The following AKAP8 variants were observed in gnomAD, a reference collection of about 807,000 sequenced individuals.
AKAP8 encodes the protein A-kinase anchoring protein 8, also known as A-kinase anchor protein 8.
Under a neutral mutation model 67.5 loss-of-function variants are expected in AKAP8, and 24 were observed. That is an observed-to-expected ratio of 0.36 (90% CI 0.26 to 0.50). AKAP8 has a LOEUF of 0.50. Ranked by LOEUF, AKAP8 falls within the 20% of genes least tolerant of loss-of-function variation. The pLI is 0.97. For missense variants in AKAP8, 971 were observed against 955.9 expected (o/e 1.02, Z -0.21); for synonymous variants, 400 against 371.1 (o/e 1.08, Z -0.90).
chr19:15,368,802 G>C, intron 8 of AKAP8: 1 of 985,318 alleles, frequency 1.0e-6, no homozygotes, highest in Non-Finnish European at 1.2e-6. Flanking sequence ...GGCCCCGTCT[G>C]AACTAGGGCC....
Position 15,355,248 on chromosome 19 carries a change from A to C in AKAP8, c.1746T>G (p.Ile582Met), listed in dbSNP as rs747928960. The C allele has an allele frequency of 6.8e-6, 11 of 1,611,950 alleles. No homozygotes were observed. The highest frequency in any genetic ancestry group is 3.4e-6 in the Non-Finnish European group (4 of 1,179,986). The change falls in exon 14 of 14, where the codon ATT becomes ATG. Residue 582 changes from isoleucine (I) to methionine (M), a missense_variant. Ile to Met is a conservative substitution (Grantham distance 10). Coordinates refer to ENST00000269701, the MANE Select transcript of AKAP8 (RefSeq NM_005858.4). ...CATCTACGGCCCTCACTGCTGCTGTAATCACCTCTGCTAAGACGTCCGCGG... is the reference window on the plus strand; with the variant it reads ...CATCTACGGCCCTCACTGCTGCTGTCATCACCTCTGCTAAGACGTCCGCGG... Reference protein sequence around the residue: ...EVAADVLAEVITAAVRAVDGE... With the variant: ...EVAADVLAEVMTAAVRAVDGE...
intron 7 of AKAP8, among the ~76,000 whole-genome samples, chr19:15,370,598 G>C (rs561841508): frequency 8.7e-5 from 13 of 149,178 alleles, no homozygotes; most frequent in African/African-American, 3.2e-4. Context: ...CACGTTTCCC[G>C]AGCTTTTGTT....
At position 15,360,758 on chromosome 19, in the gene AKAP8, A is replaced by G. The variant is rs375638784; in HGVS notation, c.1527+90T>C. On this transcript the variant is annotated intron_variant, in intron 12 of 13. Transcript: ENST00000269701. ...GACTTGAAACATAGCAAGAACCCCT[A>G]AAGATGTTGTTATTCCCCATAAGAC... is the stretch of plus-strand genomic sequence containing the variant. 3.6e-3 allele frequency: 5,242 copies of G among 1,462,054 alleles called. 20 individuals carry two copies. Among genetic ancestry groups the G allele is most frequent in the South Asian group, 0.011 (781 of 73,312 alleles). 90.6% of individuals were successfully genotyped at this position (1,462,054 alleles called of 1,614,324 possible). A position where few individuals can be genotyped will look rare whatever the true frequency, so the allele number is the denominator to read the frequency against.
At chr19:15,358,268 A>G (rs1252543970) in intron 13 of AKAP8, among the ~76,000 whole-genome samples, 2 of 151,458 alleles carry the variant, frequency 1.3e-5, no homozygotes, top group African/African-American at 4.9e-5. Context: ...GTTCTTCACT[A>G]CCCCTCACCT....
At chr19:15,362,572 C>T (rs1369396491) in intron 9 of AKAP8, among the ~76,000 whole-genome samples, 2 of 151,658 alleles carry the variant, frequency 1.3e-5, no homozygotes, top group Non-Finnish European at 3.0e-5. Context: ...GTTGGCCGGG[C>T]TGGTCTCCAG....
At chr19:15,370,337 G>A (rs970025475) in intron 7 of AKAP8, among the ~76,000 whole-genome samples, 158 bp from the exon 8 acceptor site, 2 of 152,060 alleles carry the variant, frequency 1.3e-5, no homozygotes, top group African/African-American at 4.8e-5. Flanking sequence ...ACCAGCCTCC[G>A]GGGCTCAGGA....
At chr19:15,377,120 G>A (rs1332619672) in intron 1 of AKAP8, 106 bp from the exon 2 acceptor site, 2 of 1,310,490 alleles carry the variant, frequency 1.5e-6, no homozygotes, top group Admixed American at 2.2e-5. Flanking sequence ...GCCAGCCTTA[G>A]AAGAAGGAAG....
rs555700616 is a variant in AKAP8 at position 15,370,267 on chromosome 19, G to A, written c.1039-88C>T. ...CCCAGTCCCTGGCCACTGCCTGGTG[G>A]GCAGTCTCACCCAAGACCTAGGTTG... On this transcript the variant is annotated intron_variant, in intron 7 of 13. Coordinates refer to ENST00000269701, the MANE Select transcript of AKAP8 (RefSeq NM_005858.4). The A allele has an allele frequency of 3.3e-6, 5 of 1,505,286 alleles. No individual in the cohort carries two copies. The Admixed American group carries it at 5.1e-5, about 15-fold the overall frequency. 93.2% of individuals were successfully genotyped at this position (1,505,286 alleles called of 1,614,324 possible).
intron 9 of AKAP8, among the ~76,000 whole-genome samples, chr19:15,367,201 T>C (rs1001226040): frequency 1.3e-5 from 2 of 152,220 alleles, no homozygotes; most frequent in African/African-American, 4.8e-5. Context: ...CCACGGCATC[T>C]GGCCCCTTTT....
chr19:15,368,769 T>A (rs751132541), intron 8 of AKAP8: 85 of 985,232 alleles, frequency 8.6e-5, no homozygotes, highest in Non-Finnish European at 9.5e-5. Context: ...CACCTCTAGG[T>A]GGACTGTGAC....
At chr19:15,364,982 C>G (rs1967046336) in intron 9 of AKAP8, among the ~76,000 whole-genome samples, 1 of 152,200 alleles carries the variant, frequency 6.6e-6, no homozygotes, top group Non-Finnish European at 1.5e-5. Flanking sequence ...GGCAGTTACC[C>G]AAACTTCCCC....
chr19:15,374,675 A>G, intron 2 of AKAP8, 40 bp from the exon 3 acceptor site: 1 of 1,611,698 alleles, frequency 6.2e-7, no homozygotes, highest in Non-Finnish European at 8.5e-7. Context: ...CTGTTTGCAG[A>G]ACGAAGGCAC....
Position 15,355,313 on chromosome 19 carries a change from A to C in AKAP8, c.1681T>G (p.Leu561Val). 1 of 1,613,586 alleles carries C rather than the reference A, an allele frequency of 6.2e-7. No individual in the cohort carries two copies. The change falls in exon 14 of 14, where the codon TTA (leucine) becomes GTA (valine). Residue 561 changes from leucine to valine, a missense_variant. Physicochemically the swap from Leu to Val is conservative, Grantham distance 32 (BLOSUM62 1). Around this residue, in one of 3 missense-constraint regions of AKAP8, gnomAD observed 204 missense variants for 193.0 expected, o/e 1.06. Transcript: ENST00000269701. ...VDPEMEGDDNLGGEDKKETPE... is the reference protein window; with the variant it reads ...VDPEMEGDDNVGGEDKKETPE... The stretch of plus-strand genomic sequence containing the variant: ...GTCTCTTTCTTATCCTCACCTCCTA[A>C]ATTGTCATCTCCTTCCATTTCTGGA...
chr19:15,373,067 C>T lies in AKAP8; in HGVS notation c.645G>A (p.Ala215=), dbSNP rs779549571. Residue 215 remains alanine, a synonymous_variant, in exon 5 of 14, where the codon GCG becomes GCA. Transcript: ENST00000269701. ...MRSDPFVPPA[A]SSEPLSTPWN... is the part of the protein sequence containing the mutation. ...AGGGCGTGGACAGGGGCTCAGAGGA[C>T]GCAGCGGGGGGCACGAAGGGGTCGC... The T allele has an allele frequency of 1.5e-5, 24 of 1,608,436 alleles. No individual in the cohort carries two copies. Among genetic ancestry groups the T allele is most frequent in the South Asian group, 4.4e-5 (4 of 90,586 alleles).
At chr19:15,375,199 C>T (rs180941433) in intron 2 of AKAP8, among the ~76,000 whole-genome samples, 74 of 152,188 alleles carry the variant, frequency 4.9e-4, no homozygotes, top group Non-Finnish European at 8.4e-4. Context: ...CCCTAAAACA[C>T]GGGCTGGCAG....
chr19:15,362,039 TC>T, intron 10 of AKAP8, 70 bp downstream of exon 10: 1 of 1,579,338 alleles, frequency 6.3e-7, no homozygotes, highest in Non-Finnish European at 8.6e-7. Context: ...TGATTTCCCT[TC>T]CTCCTTCAAG....
In AKAP8 at chr19:15,366,085, TC is replaced by T. The variant is rs1388684220; in HGVS notation, c.1160+2149del. Among the ~76,000 whole-genome samples the T allele has an allele frequency of 3.0e-4, 18 of 59,598 alleles. No individual in the cohort carries two copies. In the East Asian group the frequency reaches 8.3e-3, roughly 27 times the overall value. 39.1% of individuals were successfully genotyped at this position (59,598 alleles called of 152,430 possible). On this transcript the variant is annotated intron_variant, in intron 9 of 13. Transcript: ENST00000269701. ...GTCACTAGCGCACACTCTGAAGGTT[TC>T]TTTTTTTTTTTTTAAAAAAAGTCAC...
chr19:15,368,133 C>G, intron 9 of AKAP8, 102 bp downstream of exon 9: 1 of 1,501,974 alleles, frequency 6.7e-7, no homozygotes, highest in African/African-American at 1.4e-5. Context: ...AGGAGTCAGG[C>G]CACCAGGCCC....
At chr19:15,364,119 A>AAAAAAAG (rs1599561560) in intron 9 of AKAP8, among the ~76,000 whole-genome samples, 1 of 144,600 alleles carries the variant, frequency 6.9e-6, no homozygotes, top group Non-Finnish European at 1.5e-5. Flanking sequence ...AAAAAAAAAA[A>AAAAAAAG]AAAAAAGAAA....
Sources: allele counts gnomAD v4.1 joint callset (sites outside exome capture counted in the v4.1 genomes callset), GRCh38; gene constraint gnomAD v4.1.1; regional missense constraint gnomAD v4.1.1; transcripts MANE v1.5; gene names NCBI Gene and HGNC (gene_info 2026-07-23, HGNC 2026-07-21).